The following CEP78 variants were observed in gnomAD, a reference collection of about 807,000 sequenced individuals.
CEP78 encodes the protein centrosomal protein 78.
Under a neutral mutation model 81.2 loss-of-function variants are expected in CEP78, and 76 were observed. The ratio of observed to expected loss-of-function variants is 0.94; its 90% CI spans 0.78 to 1.13. The LOEUF is 1.13. CEP78 is among the 50% of genes most tolerant of loss of function. CEP78 has a pLI of 0.00. For synonymous variants in CEP78, 293 were observed against 301.4 expected, an observed-to-expected ratio of 0.97 and a Z score of 0.29; for missense variants, 918 against 846.8, an observed-to-expected ratio of 1.08 and a Z score of -1.04.
At chr9:78,246,617 A>G in intron 5 of CEP78, 52 bp from the exon 6 acceptor site, 1 of 1,238,332 alleles carries the variant, frequency 8.1e-7, no homozygotes, top group South Asian at 1.3e-5. Flanking sequence ...CAAACAAACA[A>G]ACAAAAAATC....
At chr9:78,260,808 A>G (rs987276796) in intron 11 of CEP78, among the ~76,000 whole-genome samples, 1 of 151,846 alleles carries the variant, frequency 6.6e-6, no homozygotes, top group Non-Finnish European at 1.5e-5. Context: ...CCCTCAGCAT[A>G]CTCGGGTTAT....
At chr9:78,241,823 T>G (rs765750353) in intron 4 of CEP78, 24 bp downstream of exon 4, 22 of 1,268,760 alleles carry the variant, frequency 1.7e-5, no homozygotes, top group Non-Finnish European at 2.3e-6. Flanking sequence ...CCAACTTTCA[T>G]GAAAATGTGT....
rs1563995760 is a variant in CEP78 at position 78,262,938 on chromosome 9, AG to A, written c.1414del (p.Glu472LysfsTer4). The A allele has an allele frequency of 6.5e-7, 1 of 1,545,602 alleles. No individual in the cohort carries two copies. The highest frequency in any genetic ancestry group is 8.7e-7 in the Non-Finnish European group (1 of 1,143,252). ...CTGGAGGAGTGCCTAAAGCAGTTAA[AG>A]GAAGAAAGAGTGATAAGGCTTAAGG... Reference protein sequence around the residue: ...EKLEECLKQLKEERVIRLKVD... With the variant: ...EKLEECLKQLXEERVIRLKVD... On this transcript the variant is annotated frameshift_variant, in exon 12 of 17. Coordinates refer to ENST00000643273, the MANE Select transcript of CEP78 (RefSeq NM_001330691.3). LOFTEE classifies it high-confidence loss of function.
chr9:78,248,284 AC>A lies in CEP78; in HGVS notation c.893-6del. The A allele has an allele frequency of 6.7e-7, 1 of 1,489,518 alleles. No homozygotes were observed. Among genetic ancestry groups the A allele is most frequent in the South Asian group, 1.1e-5 (1 of 87,668 alleles). The allele number at this position is 1,489,518 out of a possible 1,614,324, so 92.3% of individuals were successfully genotyped here. A position where few individuals can be genotyped will look rare whatever the true frequency, so the allele number is the denominator to read the frequency against. Reference sequence around the variant, plus strand: ...TTACTATAATTTCAATTTTTATTTTACTTTAGATCATTCTATGATGAAAGCA... The same window carrying A: ...TTACTATAATTTCAATTTTTATTTTATTTAGATCATTCTATGATGAAAGCA... On this transcript the variant is annotated splice_region_variant and splice_polypyrimidine_tract_variant and intron_variant, in intron 6 of 16. Coordinates refer to ENST00000643273, the MANE Select transcript of CEP78 (RefSeq NM_001330691.3).
At chr9:78,269,404 T>C (rs1827642438) in intron 16 of CEP78, among the ~76,000 whole-genome samples, 1 of 152,212 alleles carries the variant, frequency 6.6e-6, no homozygotes, top group Non-Finnish European at 1.5e-5. Flanking sequence ...GGTAGATGAT[T>C]GGATGTACAT....
intron 11 of CEP78, among the ~76,000 whole-genome samples, chr9:78,256,006 A>G (rs1157800572): frequency 6.6e-6 from 1 of 152,212 alleles, no homozygotes; most frequent in African/African-American, 2.4e-5. Context: ...GCTCTTTTCT[A>G]TTTTAAGAAC....
At position 78,264,257 on chromosome 9, in the gene CEP78, C is replaced by T. The variant is rs199743218; in HGVS notation, c.1566C>T (p.Gly522=). The T allele has an allele frequency of 3.9e-3, 6,300 of 1,612,286 alleles. 16 individuals are homozygous for T. Among genetic ancestry groups the T allele is most frequent in the Non-Finnish European group, 4.9e-3 (5,726 of 1,179,034 alleles). Residue 522 remains glycine (G), a synonymous_variant, in exon 13 of 17, where the codon GGC becomes GGT. Transcript: ENST00000643273. ...TCCTGGATGATGAAGGTGTTTTGGG[C>T]AGCATTGAGAATTCTTTTCAGAAGT... The part of the protein sequence containing the change: ...NMILDDEGVL[G]SIENSFQKFH...
chr9:78,259,933 CTT>C (rs1355051013), intron 11 of CEP78, among the ~76,000 whole-genome samples: 1 of 152,224 alleles, frequency 6.6e-6, no homozygotes, highest in Non-Finnish European at 1.5e-5. Flanking sequence ...CACATTCTGT[CTT>C]TAACACACAC....
At chr9:78,261,042 C>G (rs1431598891) in intron 11 of CEP78, among the ~76,000 whole-genome samples, 1 of 151,992 alleles carries the variant, frequency 6.6e-6, no homozygotes, top group Non-Finnish European at 1.5e-5. Context: ...CCTCTGCCTC[C>G]CGGGTTCAAG....
rs1162845233 is a variant in CEP78, at chr9:78,277,491, A to C, written c.*6640A>C. On this transcript the variant is annotated 3_prime_UTR_variant, in exon 17 of 17. Transcript: ENST00000643273. Reference sequence around the variant, plus strand: ...ATAAGAAATACAGACTATAAACATAAACTTTCAACCTCGTAAGCAATCAGG... The same window carrying C: ...ATAAGAAATACAGACTATAAACATACACTTTCAACCTCGTAAGCAATCAGG... The C allele has an allele frequency of 6.6e-6, 1 of 152,222 alleles. No individual in the cohort carries two copies. The highest frequency in any genetic ancestry group is 2.4e-5 in the African/African-American group (1 of 41,456). 9.4% of individuals were successfully genotyped at this position (152,222 alleles called of 1,614,324 possible). A position where few individuals can be genotyped will look rare whatever the true frequency, so the allele number is the denominator to read the frequency against.
intron 16 of CEP78, among the ~76,000 whole-genome samples, chr9:78,269,364 A>C (rs1019157346): frequency 6.6e-6 from 1 of 152,244 alleles, no homozygotes; most frequent in East Asian, 1.9e-4. Flanking sequence ...GGTTGAACAC[A>C]TCACCTGCAG....
rs1468377034 is a variant in CEP78, at chr9:78,275,399, G to A, written c.*4548G>A. ...GTGGGCGGATCACCTGAGATGAGGAGTTCAAGACCAGCCTGGCCAACATGG... is the reference window on the plus strand; with the variant it reads ...GTGGGCGGATCACCTGAGATGAGGAATTCAAGACCAGCCTGGCCAACATGG... On this transcript the variant is annotated 3_prime_UTR_variant, in exon 17 of 17. Coordinates refer to ENST00000643273, the MANE Select transcript of CEP78 (RefSeq NM_001330691.3). 2 of 152,062 alleles carry A rather than the reference G, an allele frequency of 1.3e-5. No individual in the cohort carries two copies. The highest frequency in any genetic ancestry group is 4.8e-5 in the African/African-American group (2 of 41,402). The allele number at this position is 152,062 out of a possible 1,614,324, so 9.4% of individuals were successfully genotyped here. A position where few individuals can be genotyped will look rare whatever the true frequency, so the allele number is the denominator to read the frequency against.
At chr9:78,239,919 C>G (rs1348583643) in intron 1 of CEP78, 104 bp from the exon 2 acceptor site, 1 of 973,050 alleles carries the variant, frequency 1.0e-6, no homozygotes, top group East Asian at 2.7e-5. Flanking sequence ...CTTAAGAGGA[C>G]TTTAAAGGAC....
chr9:78,271,968 C>G lies in CEP78; in HGVS notation c.*1117C>G, dbSNP rs865872652. ...TTGCCCAGGCTGGAGTGCAGTGGTA[C>G]AATCTCAGCTCACTGCAACCTCCTC... On this transcript the variant is annotated 3_prime_UTR_variant, in exon 17 of 17. Coordinates refer to ENST00000643273, the MANE Select transcript of CEP78 (RefSeq NM_001330691.3). 2 of 151,742 alleles carry G rather than the reference C, an allele frequency of 1.3e-5. No homozygotes were observed. Among genetic ancestry groups the G allele is most frequent in the Non-Finnish European group, 2.9e-5 (2 of 68,080 alleles). The allele number at this position is 151,742 out of a possible 1,614,324, so 9.4% of individuals were successfully genotyped here.
At chr9:78,261,075 C>T (rs1339477511) in intron 11 of CEP78, among the ~76,000 whole-genome samples, 3 of 152,068 alleles carry the variant, frequency 2.0e-5, no homozygotes, top group Non-Finnish European at 2.9e-5. Context: ...CTCCGCCTCC[C>T]GAGTAGCTGG....
Position 78,266,458 on chromosome 9 carries a change from G to T in CEP78, c.1862G>T (p.Gly621Val). 6.3e-7 allele frequency: 1 copy of T among 1,599,326 alleles called. No individual in the cohort carries two copies. Among genetic ancestry groups the T allele is most frequent in the Non-Finnish European group, 8.5e-7 (1 of 1,171,136 alleles). ...GTLMKFQKIT[G>V]DARIPLPLDS... ...TCCTTCTAGTTTCAGAAAATTACAG[G>T]TGATGCTAGAATTCCTTTGCCTCTC... Residue 621 changes from glycine to valine, a missense_variant, in exon 16 of 17, where the codon GGT (glycine) becomes GTT (valine). Physicochemically the swap from Gly to Val is moderately radical, Grantham distance 109. Transcript: ENST00000643273.
chr9:78,257,871 A>C (rs1827111319), intron 11 of CEP78, among the ~76,000 whole-genome samples: 1 of 152,196 alleles, frequency 6.6e-6, no homozygotes, highest in African/African-American at 2.4e-5. Context: ...AGGGTTGTAA[A>C]CTGGAACAGT....
At chr9:78,248,695 C>T in intron 7 of CEP78, 67 bp from the exon 8 acceptor site, 1 of 835,650 alleles carries the variant, frequency 1.2e-6, no homozygotes, top group Admixed American at 3.1e-5. Context: ...TTAACAATTT[C>T]CATTTAAGAT....
intron 4 of CEP78, among the ~76,000 whole-genome samples, chr9:78,242,511 T>C (rs1826283965): frequency 6.6e-6 from 1 of 152,210 alleles, no homozygotes; most frequent in Admixed American, 6.5e-5. Context: ...ATCCATAAAA[T>C]GTGTATAATA....
Sources: gnomAD v4.1 joint callset for allele counts (sites outside exome capture counted in the v4.1 genomes callset) on GRCh38, gnomAD v4.1.1 for gene constraint, MANE v1.5 for transcripts, NCBI Gene and HGNC (gene_info 2026-07-23, HGNC 2026-07-21) for gene names.